The following ATP8A2 variants were observed in gnomAD, a reference collection of about 807,000 sequenced individuals.
ATP8A2 encodes the protein phospholipid-transporting ATPase IB.
Under a neutral mutation model 165.6 loss-of-function variants are expected in ATP8A2, and 100 were observed. That is an observed-to-expected ratio of 0.60 (90% CI 0.51 to 0.71). The LOEUF is 0.71. Ranked by LOEUF, ATP8A2 falls within the 30% of genes least tolerant of loss-of-function variation. The pLI is 0.00. For synonymous variants in ATP8A2, 543 were observed against 548.8 expected, an observed-to-expected ratio of 0.99 and a Z score of 0.15; for missense variants, 1,227 against 1,479.5, an observed-to-expected ratio of 0.83 and a Z score of 2.80.
At chr13:25,566,120 T>G (rs2039306090) in intron 16 of ATP8A2, among the ~76,000 whole-genome samples, 1 of 152,130 alleles carries the variant, frequency 6.6e-6, no homozygotes, top group African/African-American at 2.4e-5. Flanking sequence ...AGTGCCCATT[T>G]GTTGCTAGCT....
At chr13:25,957,983 G>A (rs1955565435) in intron 33 of ATP8A2, among the ~76,000 whole-genome samples, 1 of 152,048 alleles carries the variant, frequency 6.6e-6, no homozygotes. Context: ...GTTGAAGCTG[G>A]AAACCATCAT....
At chr13:25,623,814 C>T (rs942422835) in intron 24 of ATP8A2, among the ~76,000 whole-genome samples, 4 of 151,754 alleles carry the variant, frequency 2.6e-5, no homozygotes, top group Non-Finnish European at 5.9e-5. Context: ...TCTAGATGAG[C>T]ATAAATGCAT....
chr13:25,375,701 T>C (rs991543511), intron 1 of ATP8A2, among the ~76,000 whole-genome samples: 33 of 152,066 alleles, frequency 2.2e-4, no homozygotes, highest in Admixed American at 1.3e-3. Flanking sequence ...GCCTCCCAAG[T>C]AGCTGGGATT....
intron 27 of ATP8A2, among the ~76,000 whole-genome samples, chr13:25,776,299 T>C (rs1458939228): frequency 6.6e-6 from 1 of 152,220 alleles, no homozygotes; most frequent in East Asian, 1.9e-4. Flanking sequence ...AAAAGGGATC[T>C]GGTTAAAGTC....
intron 30 of ATP8A2, among the ~76,000 whole-genome samples, chr13:25,845,486 A>C (rs962743938): frequency 3.3e-5 from 5 of 152,252 alleles, no homozygotes; most frequent in Non-Finnish European, 7.3e-5. Flanking sequence ...TCCACACCGT[A>C]GAAACTGCTC....
chr13:25,754,798 T>A (rs2044227253), intron 25 of ATP8A2, among the ~76,000 whole-genome samples: 1 of 152,174 alleles, frequency 6.6e-6, no homozygotes, highest in South Asian at 2.1e-4. Context: ...TAAATTAGGA[T>A]TTTAGGCTAA....
intron 23 of ATP8A2, among the ~76,000 whole-genome samples, chr13:25,586,013 A>G (rs2039911176): frequency 6.6e-6 from 1 of 152,214 alleles, no homozygotes; most frequent in African/African-American, 2.4e-5. Context: ...GGCTTTTGTA[A>G]TAGTTACTAG....
chr13:26,018,407 A>G (rs1320696223), intron 36 of ATP8A2, among the ~76,000 whole-genome samples: 1 of 152,234 alleles, frequency 6.6e-6, no homozygotes, highest in Non-Finnish European at 1.5e-5. Context: ...GCCTCAGGAA[A>G]TTAACAGGCA....
chr13:25,473,715 T>G (rs369252805), intron 2 of ATP8A2, among the ~76,000 whole-genome samples: 2 of 152,218 alleles, frequency 1.3e-5, no homozygotes, highest in East Asian at 3.8e-4. Context: ...AAATTTACTT[T>G]ATATTTCTGT....
At chr13:25,904,710 C>G (rs550796984) in intron 33 of ATP8A2, among the ~76,000 whole-genome samples, 1 of 152,188 alleles carries the variant, frequency 6.6e-6, no homozygotes, top group Non-Finnish European at 1.5e-5. Context: ...CATCTCCCCC[C>G]GGTAATTAAT....
intron 35 of ATP8A2, among the ~76,000 whole-genome samples, chr13:25,996,964 G>T (rs533762909): frequency 5.9e-5 from 9 of 152,148 alleles, no homozygotes; most frequent in Non-Finnish European, 1.3e-4. Flanking sequence ...GATTACAGGC[G>T]TGAGCCACCA....
intron 24 of ATP8A2, among the ~76,000 whole-genome samples, chr13:25,657,077 A>G (rs1006677500): frequency 5.3e-5 from 8 of 150,686 alleles, no homozygotes; most frequent in African/African-American, 2.0e-4. Flanking sequence ...AAAAAAAAAA[A>G]AAAAGACAGA....
Position 25,968,669 on chromosome 13 carries a change from A to C in ATP8A2, c.3367A>C (p.Asn1123His). 6.2e-7 allele frequency: 1 copy of C among 1,613,188 alleles called. No individual in the cohort carries two copies. The highest frequency in any genetic ancestry group is 8.5e-7 in the Non-Finnish European group (1 of 1,179,724). The change falls in exon 35 of 37, where the codon AAT becomes CAT. Residue 1123 changes from asparagine (N) to histidine (H), a missense_variant. Coordinates refer to ENST00000381655, the MANE Select transcript of ATP8A2 (RefSeq NM_016529.6). ...VLGKAVLRDS[N>H]GKRLNERDRL... is the part of the protein sequence containing the mutation. Reference sequence around the variant, plus strand: ...GGGAAAAGCGGTGCTGCGGGATAGCAATGGAAAGAGGTGGGGAACTCCGTC... The same window carrying C: ...GGGAAAAGCGGTGCTGCGGGATAGCCATGGAAAGAGGTGGGGAACTCCGTC...
At chr13:25,659,452 C>T (rs2042003605) in intron 24 of ATP8A2, among the ~76,000 whole-genome samples, 1 of 152,208 alleles carries the variant, frequency 6.6e-6, no homozygotes, top group Admixed American at 6.5e-5. Flanking sequence ...TTGGAGGATG[C>T]TCTGCCCTTT....
chr13:25,626,907 C>T (rs377382358), intron 24 of ATP8A2, among the ~76,000 whole-genome samples: 4 of 152,094 alleles, frequency 2.6e-5, no homozygotes, highest in African/African-American at 9.7e-5. Flanking sequence ...GGGGTTTCCC[C>T]TTAGAAAACC....
In ATP8A2 at chr13:25,762,202, G is replaced by T. The variant is rs372104872; in HGVS notation, c.2385-6844G>T. 2.8e-5 allele frequency among the ~76,000 whole-genome samples: 4 copies of T among 141,012 alleles called. No individual in the cohort carries two copies. In the East Asian group the frequency reaches 6.8e-4, roughly 24 times the overall value. 92.5% of individuals were successfully genotyped at this position (141,012 alleles called of 152,430 possible). A position where few individuals can be genotyped will look rare whatever the true frequency, so the allele number is the denominator to read the frequency against. ...GAGAATTGCTTGAACCTGGGAGGCG[G>T]AGGTTGCAGTGAGCCAAGATCATTC... is the stretch of plus-strand genomic sequence containing the variant. On this transcript the variant is annotated intron_variant, in intron 25 of 36. Coordinates refer to ENST00000381655, the MANE Select transcript of ATP8A2 (RefSeq NM_016529.6).
At chr13:25,744,407 T>C (rs1285186454) in intron 25 of ATP8A2, among the ~76,000 whole-genome samples, 2 of 152,074 alleles carry the variant, frequency 1.3e-5, no homozygotes, top group Admixed American at 6.5e-5. Context: ...TCAGAGATGG[T>C]ACTGAGAAGT....
chr13:26,021,948 A>G lies in ATP8A2; in HGVS notation c.*1963A>G, dbSNP rs1016592537. 3 of 152,206 alleles carry G rather than the reference A, an allele frequency of 2.0e-5. No individual in the cohort carries two copies. Among genetic ancestry groups the G allele is most frequent in the African/African-American group, 4.8e-5 (2 of 41,444 alleles). The allele number at this position is 152,206 out of a possible 1,614,324, so 9.4% of individuals were successfully genotyped here. ...ATTTAAAATATGATCTGCATTGACT[A>G]AGAAAACTCATCCTCACTTATGAGG... is the stretch of plus-strand genomic sequence containing the variant. On this transcript the variant is annotated 3_prime_UTR_variant, in exon 37 of 37. Transcript: ENST00000381655.
chr13:25,828,278 T>C, intron 28 of ATP8A2, 86 bp downstream of exon 28: 1 of 1,098,152 alleles, frequency 9.1e-7, no homozygotes, highest in Non-Finnish European at 1.4e-6. Context: ...GGGAAGTGTA[T>C]CTGAGTCAAT....
Sources: gnomAD v4.1 joint callset for allele counts (sites outside exome capture counted in the v4.1 genomes callset) on GRCh38, gnomAD v4.1.1 for gene constraint, MANE v1.5 for transcripts, NCBI Gene and HGNC (gene_info 2026-07-23, HGNC 2026-07-21) for gene names.